GALNT13: variants seen among roughly 807,000 people sequenced by gnomAD.
The protein encoded by GALNT13 is polypeptide N-acetylgalactosaminyltransferase 13, also known as UDP-GalNAc:polypeptide N-acetylgalactosaminyltransferase 13.
Under a neutral mutation model 64.2 loss-of-function variants are expected in GALNT13, and 28 were observed. The observed-to-expected ratio is 0.44, with a 90% CI of 0.32 to 0.60. The LOEUF (loss-of-function observed/expected upper bound fraction) is 0.60, where lower values mean the gene tolerates loss of function less well. Among genes scored for constraint, GALNT13 ranks in the 20% least tolerant of loss-of-function variants. The pLI is 0.05. For synonymous variants in GALNT13, 214 were observed against 224.6 expected (o/e 0.95, Z 0.42); for missense variants, 577 against 669.8 (o/e 0.86, Z 1.53).
chr2:153,542,331 C>T, the GALNT13 span, among the ~76,000 whole-genome samples: 1 of 104,216 alleles, frequency 9.6e-6, no homozygotes. Flanking sequence ...AAAAAACAAA[C>T]AAACAAACAA....
At chr2:153,919,302 T>G (rs964375143) in intron 2 of GALNT13, among the ~76,000 whole-genome samples, 7 of 152,046 alleles carry the variant, frequency 4.6e-5, no homozygotes, top group African/African-American at 1.4e-4. Flanking sequence ...TCTTCTGATA[T>G]TCAGTCCCTA....
At chr2:153,899,102 T>C (rs1367203874) in intron 1 of GALNT13, among the ~76,000 whole-genome samples, 1 of 152,192 alleles carries the variant, frequency 6.6e-6, no homozygotes, top group Non-Finnish European at 1.5e-5. Context: ...TATGTAATAT[T>C]TTAAAAACCA....
intron 2 of GALNT13, among the ~76,000 whole-genome samples, chr2:153,933,807 C>CT (rs1444591642): frequency 2.0e-5 from 3 of 152,116 alleles, no homozygotes; most frequent in Non-Finnish European, 4.4e-5. Flanking sequence ...TAACAAATTC[C>CT]ATTAGCTTGT....
the GALNT13 span, among the ~76,000 whole-genome samples, chr2:153,545,076 T>G: frequency 2.6e-5 from 4 of 152,080 alleles, no homozygotes; most frequent in Non-Finnish European, 2.9e-5. Flanking sequence ...AATTTTAGGA[T>G]TATGATTTGG....
chr2:154,026,934 C>G (rs1574365231), intron 3 of GALNT13, among the ~76,000 whole-genome samples: 1 of 152,116 alleles, frequency 6.6e-6, no homozygotes, highest in Middle Eastern at 3.4e-3. Context: ...GGAAAAGGGT[C>G]AAGAACTGAA....
the GALNT13 span, among the ~76,000 whole-genome samples, chr2:153,427,679 A>G: frequency 6.6e-6 from 1 of 152,208 alleles, no homozygotes; most frequent in African/African-American, 2.4e-5. Context: ...TTTGCATCAT[A>G]TGAAGTTAAA....
chr2:154,111,203 G>C (rs1026590250), intron 3 of GALNT13, among the ~76,000 whole-genome samples: 3 of 152,146 alleles, frequency 2.0e-5, no homozygotes, highest in Non-Finnish European at 4.4e-5. Context: ...TACCTCAGCA[G>C]GTCATGGTTT....
the GALNT13 span, among the ~76,000 whole-genome samples, chr2:153,164,001 G>A: frequency 1.4e-5 from 2 of 144,822 alleles, no homozygotes; most frequent in African/African-American, 2.6e-5. Context: ...CTGGGCGACC[G>A]AGCCAGGCTC....
chr2:153,250,591 T>C, the GALNT13 span, among the ~76,000 whole-genome samples: 2 of 152,194 alleles, frequency 1.3e-5, no homozygotes, highest in Admixed American at 6.5e-5. Context: ...TGTATGTTTA[T>C]TGCAGCACTA....
At chr2:153,889,543 G>A (rs1030727130) in intron 1 of GALNT13, among the ~76,000 whole-genome samples, 2 of 151,910 alleles carry the variant, frequency 1.3e-5, no homozygotes, top group African/African-American at 2.4e-5. Flanking sequence ...TTTATTATGT[G>A]ATTTTAATCA....
At chr2:154,087,993 G>A (rs1701618174) in intron 3 of GALNT13, among the ~76,000 whole-genome samples, 1 of 152,026 alleles carries the variant, frequency 6.6e-6, no homozygotes, top group African/African-American at 2.4e-5. Flanking sequence ...AATGGAATTT[G>A]TTATGTGTTT....
Position 154,451,715 on chromosome 2 carries a change from C to G in GALNT13, c.*1164C>G, listed in dbSNP as rs2105510866. The G allele has an allele frequency of 6.6e-6, 1 of 152,046 alleles. No homozygotes were observed. Among genetic ancestry groups the G allele is most frequent in the Admixed American group, 6.6e-5 (1 of 15,238 alleles). 9.4% of individuals were successfully genotyped at this position (152,046 alleles called of 1,614,324 possible). On this transcript the variant is annotated 3_prime_UTR_variant, in exon 13 of 13. Coordinates refer to ENST00000392825, the MANE Select transcript of GALNT13 (RefSeq NM_052917.4). ...CATTTTCTTTTCTCATCTTAAAACC[C>G]TTTATGTTCAAAATACATTAGCAGA...
the GALNT13 span, among the ~76,000 whole-genome samples, chr2:153,209,289 C>A: frequency 9.2e-5 from 14 of 151,910 alleles, no homozygotes; most frequent in Admixed American, 9.2e-4. Flanking sequence ...TGGGTTTTGT[C>A]TTTTTTTCCT....
the GALNT13 span, among the ~76,000 whole-genome samples, chr2:153,172,553 G>A: frequency 1.3e-5 from 2 of 152,086 alleles, no homozygotes; most frequent in African/African-American, 4.8e-5. Context: ...TGACCAAGGT[G>A]GAGGAGAACA....
intron 3 of GALNT13, among the ~76,000 whole-genome samples, chr2:154,015,132 A>G (rs964127517): frequency 6.6e-6 from 1 of 152,230 alleles, no homozygotes; most frequent in African/African-American, 2.4e-5. Flanking sequence ...AGAAGTTAAA[A>G]AAGGAAAAAT....
the GALNT13 span, among the ~76,000 whole-genome samples, chr2:153,677,114 A>G: frequency 2.0e-5 from 3 of 152,092 alleles, no homozygotes; most frequent in South Asian, 2.1e-4. Context: ...ATATAATTCT[A>G]TACCTAGAAA....
the GALNT13 span, among the ~76,000 whole-genome samples, chr2:153,499,500 G>C: frequency 1.2e-4 from 19 of 152,242 alleles, no homozygotes; most frequent in African/African-American, 4.6e-4. Context: ...TTTCACTGGG[G>C]ACCTGCCCCT....
At chr2:154,400,335 T>C (rs1699245270) in intron 10 of GALNT13, among the ~76,000 whole-genome samples, 2 of 152,200 alleles carry the variant, frequency 1.3e-5, no homozygotes, top group African/African-American at 4.8e-5. Flanking sequence ...AGTATATTCA[T>C]TTGTACTTCT....
chr2:154,129,543 C>A (rs1360380149), intron 3 of GALNT13, among the ~76,000 whole-genome samples: 1 of 152,058 alleles, frequency 6.6e-6, no homozygotes, highest in Admixed American at 6.6e-5. Flanking sequence ...TAGCAATTTT[C>A]AAAGTATGGG....
Sources: gnomAD v4.1 joint callset for allele counts (sites outside exome capture counted in the v4.1 genomes callset) on GRCh38, gnomAD v4.1.1 for gene constraint, MANE v1.5 for transcripts, NCBI Gene and HGNC (gene_info 2026-07-23, HGNC 2026-07-21) for gene names.